Variants in ARPC1A observed in about 807,000 individuals in gnomAD.
The protein encoded by ARPC1A is actin related protein 2/3 complex subunit 1A, also known as actin-related protein 2/3 complex subunit 1A.
ARPC1A carries 8 observed loss-of-function variants against 46.9 expected under a neutral mutation model. The observed-to-expected ratio is 0.17, with a 90% confidence interval of 0.10 to 0.31. The LOEUF is 0.31. ARPC1A is among the 10% of genes least tolerant of loss of function. The pLI, the probability that ARPC1A is intolerant of heterozygous loss-of-function variation, is 1.00. For synonymous variants in ARPC1A, 152 were observed against 169.0 expected (o/e 0.90, Z 0.78); for missense variants, 286 against 483.6 (o/e 0.59, Z 3.83).
chr7:99,338,077 T>A lies in ARPC1A; in HGVS notation c.65-104T>A, dbSNP rs181399232. On this transcript the variant is annotated intron_variant, in intron 2 of 9. Transcript: ENST00000262942. Reference sequence around the variant, plus strand: ...TGGGAACTACTTTTTCAAAAGTTTTTCTTTTCCTTACTATAGTCTGCTTTT... The same window carrying A: ...TGGGAACTACTTTTTCAAAAGTTTTACTTTTCCTTACTATAGTCTGCTTTT... 7.8e-6 allele frequency: 6 copies of A among 764,998 alleles called. No individual in the cohort carries two copies. In the East Asian group the frequency reaches 1.8e-4, roughly 23 times the overall value. The allele number at this position is 764,998 out of a possible 1,614,324, so 47.4% of individuals were successfully genotyped here.
At chr7:99,339,925 A>G in intron 3 of ARPC1A, 2 of 454,984 alleles carry the variant, frequency 4.4e-6, no homozygotes, top group Non-Finnish European at 8.9e-6. Flanking sequence ...CCTGTCCTGT[A>G]TGAGAGTGCT....
chr7:99,349,784 G>A (rs1325160278), intron 5 of ARPC1A, among the ~76,000 whole-genome samples: 2 of 151,428 alleles, frequency 1.3e-5, no homozygotes, highest in African/African-American at 4.9e-5. Context: ...AGCTTGCAGT[G>A]AGCCGAGATC....
In ARPC1A at chr7:99,344,438, C is replaced by T. The variant is rs143619408; in HGVS notation, c.315C>T (p.Ser105=). 1.2e-6 allele frequency: 2 copies of T among 1,613,890 alleles called. No individual in the cohort carries two copies. Among genetic ancestry groups the T allele is most frequent in the Non-Finnish European group, 8.5e-7 (1 of 1,179,858 alleles). Residue 105 remains serine, a synonymous_variant, in exon 4 of 10, where the codon TCC becomes TCT. Transcript: ENST00000262942. ...INRAATFVKW[S]PLENKFAVGS... ...GCGCAGCTACTTTTGTGAAGTGGTC[C>T]CCCCTAGAGAACAAATTTGCTGTGG...
At chr7:99,351,477 C>T (rs908535810) in intron 5 of ARPC1A, among the ~76,000 whole-genome samples, 1 of 152,170 alleles carries the variant, frequency 6.6e-6, no homozygotes, top group Non-Finnish European at 1.5e-5. Context: ...CCTCGGCCTC[C>T]CAAAGTGCTG....
At chr7:99,362,433 G>T (rs1378952005) in intron 8 of ARPC1A, among the ~76,000 whole-genome samples, 1 of 137,304 alleles carries the variant, frequency 7.3e-6, no homozygotes, top group Non-Finnish European at 1.5e-5. Context: ...CTGGGTTCAC[G>T]CCCTTCTCCT....
chr7:99,356,342 C>A (rs915263214), intron 6 of ARPC1A, among the ~76,000 whole-genome samples: 3 of 152,196 alleles, frequency 2.0e-5, no homozygotes, highest in African/African-American at 7.2e-5. Flanking sequence ...CAGTGGCTCA[C>A]GCCTGTAATC....
intron 5 of ARPC1A, among the ~76,000 whole-genome samples, chr7:99,353,383 C>T (rs1234110409): frequency 6.6e-6 from 1 of 152,138 alleles, no homozygotes; most frequent in Non-Finnish European, 1.5e-5. Flanking sequence ...TGGTCTCGAT[C>T]TCCTGACCTC....
chr7:99,334,083 G>A (rs1793199959), intron 2 of ARPC1A, among the ~76,000 whole-genome samples: 1 of 150,354 alleles, frequency 6.7e-6, no homozygotes, highest in South Asian at 2.1e-4. Context: ...TCACAAGGCT[G>A]AGCATGGAGG....
At chr7:99,345,318 C>A (rs898044838) in intron 4 of ARPC1A, among the ~76,000 whole-genome samples, 34 of 152,272 alleles carry the variant, frequency 2.2e-4, no homozygotes, top group African/African-American at 7.7e-4. Flanking sequence ...AGTCAAAACT[C>A]ACCAGAATCT....
chr7:99,350,631 CTTTT>C (rs540737612), intron 5 of ARPC1A, among the ~76,000 whole-genome samples: 17 of 67,558 alleles, frequency 2.5e-4, no homozygotes, highest in African/African-American at 7.5e-4. Flanking sequence ...ATGAGGTGCA[CTTTT>C]TTTTTTTTTT....
chr7:99,336,481 A>ATTTTT (rs757908410), intron 2 of ARPC1A, among the ~76,000 whole-genome samples: 5 of 103,200 alleles, frequency 4.8e-5, no homozygotes, highest in Admixed American at 2.2e-4. Context: ...ATAGGTCTTA[A>ATTTTT]TTTTTTTTTT....
At position 99,338,239 on chromosome 7, in the gene ARPC1A, G is replaced by A; in HGVS notation, c.123G>A (p.Gln41=). 1.2e-6 allele frequency: 2 copies of A among 1,613,560 alleles called. No homozygotes were observed. The highest frequency in any genetic ancestry group is 8.5e-7 in the Non-Finnish European group (1 of 1,179,728). ...ACATCTATAAGAAGAACGGGAGCCA[G>A]TGGGTGAAAGCTCATGAACTCAAGG... ...EVHIYKKNGS[Q]WVKAHELKEH... The change falls in exon 3 of 10, where the codon CAG becomes CAA. Residue 41 remains glutamine (Q), a synonymous_variant. Coordinates refer to ENST00000262942, the MANE Select transcript of ARPC1A (RefSeq NM_006409.4).
Position 99,353,897 on chromosome 7 carries a change from C to T in ARPC1A, c.501-12C>T, listed in dbSNP as rs763068686. ...CATTTGCTTTTTCCTTTTCTCTCTG[C>T]CCTTTAAACAGAGTGTTTTCTGCCT... On this transcript the variant is annotated splice_polypyrimidine_tract_variant and intron_variant, in intron 5 of 9. Coordinates refer to ENST00000262942, the MANE Select transcript of ARPC1A (RefSeq NM_006409.4). The T allele has an allele frequency of 1.2e-4, 194 of 1,612,106 alleles. No individual in the cohort carries two copies. The highest frequency in any genetic ancestry group is 1.4e-4 in the Non-Finnish European group (165 of 1,178,554).
At chr7:99,340,031 C>G in intron 3 of ARPC1A, 1 of 455,890 alleles carries the variant, frequency 2.2e-6, no homozygotes, top group South Asian at 1.5e-5. Flanking sequence ...TTTCCTGATT[C>G]ATGGAAAAGT....
intron 3 of ARPC1A, among the ~76,000 whole-genome samples, chr7:99,341,277 C>T (rs1793352846): frequency 6.6e-6 from 1 of 151,468 alleles, no homozygotes; most frequent in African/African-American, 2.4e-5. Context: ...CCACTGCACT[C>T]CAGCCTGGGG....
chr7:99,352,825 A>G (rs1274025182), intron 5 of ARPC1A, among the ~76,000 whole-genome samples: 4 of 150,666 alleles, frequency 2.7e-5, no homozygotes, highest in Non-Finnish European at 5.9e-5. Flanking sequence ...TTAGCCAGGC[A>G]TGGTGGCACA....
intron 3 of ARPC1A, among the ~76,000 whole-genome samples, chr7:99,342,619 G>A (rs1793373234): frequency 6.7e-6 from 1 of 150,220 alleles, no homozygotes; most frequent in Non-Finnish European, 1.5e-5. Context: ...ACATCACTTA[G>A]AACACATTCT....
intron 1 of ARPC1A, among the ~76,000 whole-genome samples, chr7:99,332,004 A>G (rs2150858149): frequency 6.6e-6 from 1 of 152,338 alleles, no homozygotes; most frequent in East Asian, 1.9e-4. Flanking sequence ...TCCTGCCTCC[A>G]TATTGCCTTT....
intron 1 of ARPC1A, among the ~76,000 whole-genome samples, chr7:99,330,042 G>A (rs1216065978): frequency 4.6e-5 from 7 of 151,872 alleles, no homozygotes; most frequent in Admixed American, 4.6e-4. Flanking sequence ...GAAGCATGCA[G>A]TGAGCATCTG....
Sources: gnomAD v4.1 joint callset for allele counts (sites outside exome capture counted in the v4.1 genomes callset) on GRCh38, gnomAD v4.1.1 for gene constraint, MANE v1.5 for transcripts, NCBI Gene and HGNC (gene_info 2026-07-23, HGNC 2026-07-21) for gene names.